The following TMEM117 variants were observed in gnomAD, a reference collection of about 807,000 sequenced individuals.
The protein encoded by TMEM117 is transmembrane protein 117.
TMEM117 carries 27 observed loss-of-function variants against 52.4 expected under a neutral mutation model. The observed-to-expected ratio is 0.51, with a 90% CI of 0.38 to 0.71. The LOEUF (loss-of-function observed/expected upper bound fraction) is 0.71. TMEM117 is among the 30% of genes least tolerant of loss of function. TMEM117 has a pLI of 0.00. For synonymous variants in TMEM117, 215 were observed against 206.3 expected (o/e 1.04, Z -0.36); for missense variants, 556 against 630.5 (o/e 0.88, Z 1.26).
chr12:44,003,064 C>T (rs561381860), intron 3 of TMEM117, among the ~76,000 whole-genome samples: 21 of 152,320 alleles, frequency 1.4e-4, no homozygotes, highest in African/African-American at 4.8e-4. Flanking sequence ...CTGCCATTCT[C>T]AGTTATTGTG....
the TMEM117 span, chr12:43,806,410 GC>G: frequency 8.7e-7 from 1 of 1,154,402 alleles, no homozygotes; most frequent in South Asian, 4.1e-5. Context: ...CGTCCCCGCC[GC>G]CCCGCCGCCC....
At chr12:43,877,108 A>G (rs1303776454) in intron 2 of TMEM117, among the ~76,000 whole-genome samples, 1 of 152,198 alleles carries the variant, frequency 6.6e-6, no homozygotes, top group African/African-American at 2.4e-5. Flanking sequence ...ACAGAGCTTC[A>G]AAGAATGTCC....
chr12:43,912,471 C>T (rs1488073615), intron 2 of TMEM117, among the ~76,000 whole-genome samples: 1 of 145,904 alleles, frequency 6.9e-6, no homozygotes, highest in African/African-American at 2.7e-5. Context: ...GCGTTGTGCA[C>T]ATGTACCCTA....
intron 2 of TMEM117, among the ~76,000 whole-genome samples, chr12:43,885,065 C>T (rs779397649): frequency 2.0e-5 from 3 of 152,148 alleles, no homozygotes; most frequent in Non-Finnish European, 4.4e-5. Flanking sequence ...TAACTGCCTG[C>T]GCAATACAGG....
At chr12:43,880,241 TTTTC>T (rs1943873051) in intron 2 of TMEM117, among the ~76,000 whole-genome samples, 1 of 152,196 alleles carries the variant, frequency 6.6e-6, no homozygotes, top group Non-Finnish European at 1.5e-5. Context: ...TAAGGCATTG[TTTTC>T]TTTATCAGGG....
intron 5 of TMEM117, among the ~76,000 whole-genome samples, chr12:44,286,446 A>C (rs903067020): frequency 6.6e-6 from 1 of 152,076 alleles, no homozygotes; most frequent in African/African-American, 2.4e-5. Flanking sequence ...TTTTGCTACC[A>C]GTTTAATGAA....
At chr12:44,143,417 A>G in intron 3 of TMEM117, 108 bp from the exon 4 acceptor site, 1 of 725,450 alleles carries the variant, frequency 1.4e-6, no homozygotes. Flanking sequence ...CAAGAGCCAG[A>G]CAGCTTGCTG....
chr12:43,930,852 T>C (rs1409175123), intron 2 of TMEM117, among the ~76,000 whole-genome samples: 2 of 152,210 alleles, frequency 1.3e-5, no homozygotes, highest in Non-Finnish European at 2.9e-5. Context: ...CTGGAGAGTT[T>C]TTTGGCCTCA....
At chr12:43,892,499 A>G (rs1056098209) in intron 2 of TMEM117, among the ~76,000 whole-genome samples, 39 of 152,322 alleles carry the variant, frequency 2.6e-4, no homozygotes, top group African/African-American at 8.9e-4. Flanking sequence ...AAATTATGGA[A>G]TGATAGGAAC....
intron 3 of TMEM117, among the ~76,000 whole-genome samples, chr12:44,120,284 A>G (rs1008269487): frequency 2.0e-5 from 3 of 152,154 alleles, no homozygotes; most frequent in Non-Finnish European, 2.9e-5. Flanking sequence ...TTGCATGTGT[A>G]TTGTTAGGCC....
intron 3 of TMEM117, among the ~76,000 whole-genome samples, chr12:44,035,011 G>A (rs983397859): frequency 3.9e-5 from 6 of 152,162 alleles, no homozygotes; most frequent in African/African-American, 7.2e-5. Flanking sequence ...ATCTTCTCTG[G>A]TCCTCAAACT....
At chr12:44,226,144 G>A (rs1949857794) in intron 5 of TMEM117, among the ~76,000 whole-genome samples, 2 of 152,100 alleles carry the variant, frequency 1.3e-5, no homozygotes, top group Admixed American at 6.6e-5. Flanking sequence ...TTCCCCCTTT[G>A]GGGGAACCAC....
intron 2 of TMEM117, among the ~76,000 whole-genome samples, chr12:43,850,622 C>T (rs1229930737): frequency 6.6e-6 from 1 of 152,132 alleles, no homozygotes; most frequent in African/African-American, 2.4e-5. Context: ...TCTCTGACTC[C>T]CTCCCGTAAG....
intron 2 of TMEM117, among the ~76,000 whole-genome samples, chr12:43,934,199 T>A (rs1944915604): frequency 6.6e-6 from 1 of 152,166 alleles, no homozygotes; most frequent in Non-Finnish European, 1.5e-5. Flanking sequence ...TACAAGGTAA[T>A]ATGTAGTATT....
At chr12:44,308,561 G>A (rs1430767772) in intron 6 of TMEM117, among the ~76,000 whole-genome samples, 3 of 151,850 alleles carry the variant, frequency 2.0e-5, no homozygotes, top group African/African-American at 2.4e-5. Context: ...TATAGGTGAT[G>A]CTAAATGCAA....
At chr12:44,212,639 T>A (rs926087376) in intron 5 of TMEM117, among the ~76,000 whole-genome samples, 1 of 152,154 alleles carries the variant, frequency 6.6e-6, no homozygotes, top group African/African-American at 2.4e-5. Flanking sequence ...TATCCAGGAC[T>A]TCAAGTATCC....
At chr12:44,105,915 C>T (rs1165351571) in intron 3 of TMEM117, among the ~76,000 whole-genome samples, 1 of 152,028 alleles carries the variant, frequency 6.6e-6, no homozygotes, top group Non-Finnish European at 1.5e-5. Flanking sequence ...ACTCTGAGAA[C>T]CTGGTAGAGT....
chr12:43,914,738 G>A (rs988559572), intron 2 of TMEM117, among the ~76,000 whole-genome samples: 1 of 152,110 alleles, frequency 6.6e-6, no homozygotes, highest in African/African-American at 2.4e-5. Context: ...TTTGGATTGA[G>A]GAGCTGACCA....
At chr12:44,303,779 G>A (rs917750090) in intron 6 of TMEM117, among the ~76,000 whole-genome samples, 3 of 152,090 alleles carry the variant, frequency 2.0e-5, no homozygotes, top group African/African-American at 7.2e-5. Context: ...TTCTTTGCTA[G>A]GTTAAGGAAA....
Sources: gnomAD v4.1 joint callset for allele counts (sites outside exome capture counted in the v4.1 genomes callset) on GRCh38, gnomAD v4.1.1 for gene constraint, MANE v1.5 for transcripts, NCBI Gene and HGNC (gene_info 2026-07-23, HGNC 2026-07-21) for gene names.